The following SNTG2 variants were observed in gnomAD, a reference collection of about 807,000 sequenced individuals.
The protein encoded by SNTG2 is gamma-2-syntrophin.
SNTG2 carries 74 observed loss-of-function variants against 70.9 expected under a neutral mutation model. The observed-to-expected ratio is 1.04, with a 90% CI of 0.86 to 1.27. The LOEUF (loss-of-function observed/expected upper bound fraction) is 1.27. Among genes scored for constraint, SNTG2 ranks in the 50% most tolerant of loss-of-function variants. The pLI, the probability that SNTG2 is intolerant of heterozygous loss-of-function variation, is 0.00. For missense variants in SNTG2, 717 were observed against 690.7 expected, an observed-to-expected ratio of 1.04 and a Z score of -0.43; for synonymous variants, 278 against 273.8, an observed-to-expected ratio of 1.02 and a Z score of -0.15.
At chr2:960,379 G>C (rs528843749) in intron 1 of SNTG2, among the ~76,000 whole-genome samples, 4 of 152,216 alleles carry the variant, frequency 2.6e-5, no homozygotes, top group Non-Finnish European at 4.4e-5. Context: ...TGTTGGGAAT[G>C]CTTCAGTGCA....
chr2:1,260,561 A>T (rs1357440146), intron 13 of SNTG2, among the ~76,000 whole-genome samples: 1 of 152,248 alleles, frequency 6.6e-6, no homozygotes, highest in African/African-American at 2.4e-5. Context: ...CATATTCATT[A>T]AAAAATGGAG....
chr2:1,085,570 C>T (rs1037901339), intron 2 of SNTG2, among the ~76,000 whole-genome samples: 2 of 152,180 alleles, frequency 1.3e-5, no homozygotes, highest in Non-Finnish European at 2.9e-5. Context: ...CCACATTATC[C>T]GTTAATGATA....
chr2:1,290,980 C>A (rs943597954), intron 14 of SNTG2, among the ~76,000 whole-genome samples: 1 of 152,182 alleles, frequency 6.6e-6, no homozygotes, highest in Non-Finnish European at 1.5e-5. Context: ...GTTCTAATTT[C>A]TTCATAGCCT....
At chr2:952,306 T>G (rs1022891452) in intron 1 of SNTG2, among the ~76,000 whole-genome samples, 4 of 152,210 alleles carry the variant, frequency 2.6e-5, no homozygotes, top group Non-Finnish European at 5.9e-5. Context: ...GCCTTCAGCT[T>G]TATAATGATG....
At position 1,309,636 on chromosome 2, in the gene SNTG2, G is replaced by A. The variant is rs1680883664; in HGVS notation, c.1377+1050G>A. 2.0e-5 allele frequency among the ~76,000 whole-genome samples: 3 copies of A among 152,258 alleles called. No individual in the cohort carries two copies. The South Asian group carries it at 6.2e-4, about 31-fold the overall frequency. ...GGGCCTACTGGGCAATAGTGTGGAG[G>A]CTGAAAAACCTGGGCTAGGGCCATG... On this transcript the variant is annotated intron_variant, in intron 15 of 16. Coordinates refer to ENST00000308624, the MANE Select transcript of SNTG2 (RefSeq NM_018968.4).
At chr2:1,259,272 G>A (rs1282350222) in intron 12 of SNTG2, 98 bp from the exon 13 acceptor site, 1 of 979,384 alleles carries the variant, frequency 1.0e-6, no homozygotes, top group African/African-American at 1.6e-5. Flanking sequence ...GGATTTAATT[G>A]AGGTGGACAC....
At chr2:1,197,515 ATGTGTGTGTG>A (rs71299845) in intron 8 of SNTG2, among the ~76,000 whole-genome samples, 83 of 128,344 alleles carry the variant, frequency 6.5e-4, no homozygotes, top group African/African-American at 7.2e-4. Context: ...ATGTATATAT[ATGTGTGTGTG>A]TGTGTGTGTG....
At chr2:1,321,868 T>C (rs56312310) in intron 16 of SNTG2, among the ~76,000 whole-genome samples, 2,296 of 146,914 alleles carry the variant, frequency 0.016, 59 homozygotes, top group African/African-American at 0.052. Context: ...CCTTCTTTCT[T>C]CCTCCCTCCT....
chr2:1,171,346 G>A (rs28377279), intron 7 of SNTG2, among the ~76,000 whole-genome samples: 48,363 of 152,074 alleles, frequency 0.32, 8,260 homozygotes, highest in East Asian at 0.66. Flanking sequence ...TGGATCTGCT[G>A]CCATTAGTCA....
At chr2:1,314,254 C>A (rs1293919163) in intron 15 of SNTG2, among the ~76,000 whole-genome samples, 1 of 152,016 alleles carries the variant, frequency 6.6e-6, no homozygotes, top group East Asian at 1.9e-4. Flanking sequence ...TAGGCAAAAC[C>A]TCAATAGCCA....
At chr2:1,297,876 G>A in intron 14 of SNTG2, among the ~76,000 whole-genome samples, 1 of 152,188 alleles carries the variant, frequency 6.6e-6, no homozygotes, top group Non-Finnish European at 1.5e-5. Flanking sequence ...AAAATACCGA[G>A]TATCAGCAAG....
chr2:1,073,828 T>A (rs2148145040), intron 1 of SNTG2, among the ~76,000 whole-genome samples: 1 of 152,382 alleles, frequency 6.6e-6, no homozygotes, highest in Admixed American at 6.5e-5. Context: ...TGCATTCTTT[T>A]CATTAACAAA....
chr2:1,127,345 TGCTTTGGTTACTATA>T (rs1265374813), intron 4 of SNTG2, among the ~76,000 whole-genome samples: 1 of 152,180 alleles, frequency 6.6e-6, no homozygotes, highest in Admixed American at 6.5e-5. Flanking sequence ...TGTACCACGT[TGCTTTGGTTACTATA>T]GCTTTATAAT....
intron 14 of SNTG2, among the ~76,000 whole-genome samples, chr2:1,270,954 C>T (rs893469120): frequency 1.1e-4 from 17 of 152,158 alleles, no homozygotes; most frequent in Non-Finnish European, 2.5e-4. Flanking sequence ...AAAGGAAAGC[C>T]CTGCATCCTT....
intron 1 of SNTG2, among the ~76,000 whole-genome samples, chr2:955,960 C>G: frequency 9.7e-6 from 1 of 103,328 alleles, no homozygotes; most frequent in South Asian, 2.5e-4. Flanking sequence ...GCCTTCCCTG[C>G]CCCTGCCCCT....
chr2:1,294,396 T>A (rs1160478963), intron 14 of SNTG2, among the ~76,000 whole-genome samples: 1 of 152,260 alleles, frequency 6.6e-6, no homozygotes. Context: ...GTACATTTTA[T>A]GTGCTCAAAT....
chr2:1,096,113 C>T (rs866269742), intron 2 of SNTG2, among the ~76,000 whole-genome samples: 1 of 148,814 alleles, frequency 6.7e-6, no homozygotes, highest in Non-Finnish European at 1.5e-5. Context: ...GTATGCCTCC[C>T]ACATGCAGGA....
At chr2:957,264 A>T (rs894375055) in intron 1 of SNTG2, among the ~76,000 whole-genome samples, 3 of 152,108 alleles carry the variant, frequency 2.0e-5, no homozygotes, top group Non-Finnish European at 4.4e-5. Context: ...AGGTAGATAG[A>T]GAAAGTCCAG....
intron 1 of SNTG2, among the ~76,000 whole-genome samples, chr2:961,687 A>G (rs1030191869): frequency 2.4e-4 from 36 of 152,168 alleles, no homozygotes; most frequent in African/African-American, 8.7e-4. Flanking sequence ...TTTTTCCGCT[A>G]TTCTGAAATG....
Sources: gnomAD v4.1 joint callset for allele counts (sites outside exome capture counted in the v4.1 genomes callset) on GRCh38, gnomAD v4.1.1 for gene constraint, MANE v1.5 for transcripts, NCBI Gene and HGNC (gene_info 2026-07-23, HGNC 2026-07-21) for gene names.